ERGIC1: variants seen among roughly 807,000 people sequenced by gnomAD.
The protein encoded by ERGIC1 is endoplasmic reticulum-Golgi intermediate compartment protein 1.
In ERGIC1, 19 loss-of-function variants were observed where a neutral mutation model predicts 38.3. The ratio of observed to expected loss-of-function variants is 0.50; its 90% CI spans 0.35 to 0.73. The LOEUF (loss-of-function observed/expected upper bound fraction) is 0.73, where lower values mean the gene tolerates loss of function less well. Among genes scored for constraint, ERGIC1 ranks in the 30% least tolerant of loss-of-function variants. ERGIC1 has a pLI of 0.01. For synonymous variants in ERGIC1, 124 were observed against 157.6 expected (o/e 0.79, Z 1.60); for missense variants, 294 against 389.2 (o/e 0.76, Z 2.06).
chr5:172,898,851 A>G (rs1052886364), intron 3 of ERGIC1, among the ~76,000 whole-genome samples: 2 of 152,124 alleles, frequency 1.3e-5, no homozygotes, highest in African/African-American at 4.8e-5. Context: ...TGTCCAAGTC[A>G]AGCATCTTCC....
chr5:172,886,425 C>G (rs1047364017), intron 1 of ERGIC1, among the ~76,000 whole-genome samples: 10 of 152,152 alleles, frequency 6.6e-5, no homozygotes, highest in Non-Finnish European at 1.3e-4. Flanking sequence ...CAGGTACCCC[C>G]TCCTGAGTTA....
At chr5:172,851,283 C>T (rs1056741878) in intron 1 of ERGIC1, among the ~76,000 whole-genome samples, 2 of 151,340 alleles carry the variant, frequency 1.3e-5, no homozygotes, top group South Asian at 2.1e-4. Context: ...CCGAGGCAGC[C>T]GGATCACCTG....
At chr5:172,844,125 A>G (rs1366314729) in intron 1 of ERGIC1, among the ~76,000 whole-genome samples, 1 of 152,228 alleles carries the variant, frequency 6.6e-6, no homozygotes, top group Non-Finnish European at 1.5e-5. Flanking sequence ...GGTCAGACCC[A>G]GAGTTAGACC....
intron 3 of ERGIC1, among the ~76,000 whole-genome samples, chr5:172,899,124 A>C (rs140143063): frequency 3.3e-5 from 5 of 152,018 alleles, no homozygotes; most frequent in Non-Finnish European, 5.9e-5. Context: ...AGGTGGCTTT[A>C]TGTGCTGTGG....
At chr5:172,862,685 C>T (rs953422262) in intron 1 of ERGIC1, among the ~76,000 whole-genome samples, 1 of 152,200 alleles carries the variant, frequency 6.6e-6, no homozygotes, top group African/African-American at 2.4e-5. Flanking sequence ...ACGTCCTTAC[C>T]AGTGTTTCTC....
intron 1 of ERGIC1, among the ~76,000 whole-genome samples, chr5:172,838,310 C>T (rs539661099): frequency 2.0e-5 from 3 of 152,286 alleles, no homozygotes; most frequent in African/African-American, 7.2e-5. Flanking sequence ...AATTTCAGGA[C>T]GGCAGCAGCA....
rs1328930525 is a variant in ERGIC1 at position 172,926,768 on chromosome 5, GA to G, written c.541+201del. 2.3e-5 allele frequency: 14 copies of G among 602,864 alleles called. No individual in the cohort carries two copies. The highest frequency in any genetic ancestry group is 3.5e-5 in the Non-Finnish European group (12 of 339,412). 37.3% of individuals were successfully genotyped at this position (602,864 alleles called of 1,614,324 possible). On this transcript the variant is annotated intron_variant, in intron 7 of 9. Coordinates refer to ENST00000393784, the MANE Select transcript of ERGIC1 (RefSeq NM_001031711.3). The surrounding 1 kb of genome is among the most constrained non-coding windows in gnomAD (Gnocchi z 5.2). ...CCAGACCCAGACCCTGATGGAGAAG[GA>G]AGAAGGCTTGTCCCGGGGCACAGCA...
At chr5:172,928,112 C>T (rs1402721591) in intron 7 of ERGIC1, among the ~76,000 whole-genome samples, 2 of 152,072 alleles carry the variant, frequency 1.3e-5, no homozygotes, top group Non-Finnish European at 2.9e-5. Flanking sequence ...ACATGTCATC[C>T]GACGTCGGCC....
At chr5:172,868,206 T>A (rs1012316172) in intron 1 of ERGIC1, among the ~76,000 whole-genome samples, 3 of 152,344 alleles carry the variant, frequency 2.0e-5, no homozygotes, top group Admixed American at 1.3e-4. Flanking sequence ...GTAAGCAGTA[T>A]TTTAACCCCA....
intron 1 of ERGIC1, among the ~76,000 whole-genome samples, chr5:172,876,671 C>T (rs1297404761): frequency 6.6e-6 from 1 of 151,724 alleles, no homozygotes; most frequent in Non-Finnish European, 1.5e-5. Context: ...GTCCATGAAA[C>T]CATCATCACA....
rs567545178 is a variant in ERGIC1 at position 172,902,589 on chromosome 5, G to T, written c.155+5515G>T. 6.6e-5 allele frequency among the ~76,000 whole-genome samples: 10 copies of T among 152,294 alleles called. No individual in the cohort carries two copies. The South Asian group carries it at 2.1e-3, about 32-fold the overall frequency. ...CCAAGTCAGAGGGGCCGAGGGTGCT[G>T]GGACTTTGGCTTTGGAGCAGGGGTG... On this transcript the variant is annotated intron_variant, in intron 3 of 9. Coordinates refer to ENST00000393784, the MANE Select transcript of ERGIC1 (RefSeq NM_001031711.3).
chr5:172,865,210 A>G (rs906136737), intron 1 of ERGIC1, among the ~76,000 whole-genome samples: 1 of 151,966 alleles, frequency 6.6e-6, no homozygotes, highest in African/African-American at 2.4e-5. Flanking sequence ...GCCCGCCACT[A>G]TGCCTGGCTA....
chr5:172,883,083 C>G (rs896611840), intron 1 of ERGIC1, among the ~76,000 whole-genome samples: 1 of 152,180 alleles, frequency 6.6e-6, no homozygotes, highest in Non-Finnish European at 1.5e-5. Context: ...TAGGCATGCT[C>G]TAAGTGTGAT....
intron 9 of ERGIC1, among the ~76,000 whole-genome samples, chr5:172,940,277 C>T (rs1316414407): frequency 6.6e-6 from 1 of 152,148 alleles, no homozygotes; most frequent in Non-Finnish European, 1.5e-5. Flanking sequence ...AGTCTTTAGC[C>T]AGGCTTCTTG....
intron 1 of ERGIC1, among the ~76,000 whole-genome samples, chr5:172,887,524 G>A (rs1425331361): frequency 2.6e-5 from 4 of 152,210 alleles, no homozygotes; most frequent in East Asian, 1.9e-4. Flanking sequence ...AGGTGAAGTC[G>A]TTTGCTGAAG....
chr5:172,907,869 T>G (rs914166108), intron 3 of ERGIC1, among the ~76,000 whole-genome samples: 1 of 152,166 alleles, frequency 6.6e-6, no homozygotes, highest in African/African-American at 2.4e-5. Context: ...GTCTATAAGC[T>G]TGAAGAAGGT....
At chr5:172,921,920 C>T (rs577423930) in intron 5 of ERGIC1, among the ~76,000 whole-genome samples, 7 of 152,334 alleles carry the variant, frequency 4.6e-5, no homozygotes, top group African/African-American at 1.4e-4. Flanking sequence ...GGAAGCCCTC[C>T]CTGAATACAG....
intron 3 of ERGIC1, among the ~76,000 whole-genome samples, chr5:172,899,418 A>G (rs75126469): frequency 0.037 from 5,201 of 139,568 alleles, 123 homozygotes; most frequent in Non-Finnish European, 0.049. Flanking sequence ...CCCGAGTTCA[A>G]GAGATTCTTG....
chr5:172,867,590 C>A (rs905907261), intron 1 of ERGIC1: 9 of 408,190 alleles, frequency 2.2e-5, no homozygotes, highest in African/African-American at 1.8e-4. Context: ...CCTAGCCGCC[C>A]CCTGTCCTCT....
Sources: gnomAD v4.1 joint callset for allele counts (sites outside exome capture counted in the v4.1 genomes callset) on GRCh38, gnomAD v4.1.1 for gene constraint, Gnocchi (gnomAD v3.1) non-coding constraint, MANE v1.5 for transcripts, NCBI Gene and HGNC (gene_info 2026-07-23, HGNC 2026-07-21) for gene names.